TENM3: variants seen among roughly 807,000 people sequenced by gnomAD.
TENM3 encodes teneurin-3.
A neutral mutation model predicts 255.1 loss-of-function variants in TENM3; 63 were observed. That is an observed-to-expected ratio of 0.25 (90% CI 0.20 to 0.30). TENM3 has a LOEUF of 0.30. TENM3 is among the 10% of genes least tolerant of loss of function. The probability of loss-of-function intolerance (pLI) is 1.00; values close to 1 mark genes in which losing one functional copy is unlikely to be tolerated. For synonymous variants in TENM3, 1,306 were observed against 1,322.3 expected (o/e 0.99, Z 0.27); for missense variants, 2,929 against 3,461.1 (o/e 0.85, Z 3.86).
chr4:181,560,752 C>G, the TENM3 span, among the ~76,000 whole-genome samples: 1 of 152,146 alleles, frequency 6.6e-6, no homozygotes, highest in Non-Finnish European at 1.5e-5. Flanking sequence ...GAGTGAAGTT[C>G]CCCCAGCCAG....
chr4:182,352,343 T>C (rs1366072115), intron 3 of TENM3, among the ~76,000 whole-genome samples: 1 of 152,176 alleles, frequency 6.6e-6, no homozygotes, highest in Non-Finnish European at 1.5e-5. Flanking sequence ...GGTTGTAGAC[T>C]TCAAAGATTT....
chr4:182,086,099 T>C, the TENM3 span, among the ~76,000 whole-genome samples: 1 of 152,088 alleles, frequency 6.6e-6, no homozygotes, highest in African/African-American at 2.4e-5. Context: ...GTTTTGTTGG[T>C]TTTGGGGGGA....
At chr4:181,553,453 T>C in the TENM3 span, among the ~76,000 whole-genome samples, 1 of 152,050 alleles carries the variant, frequency 6.6e-6, no homozygotes, top group East Asian at 1.9e-4. Flanking sequence ...ATTTATTTAT[T>C]TATTTTGAGG....
chr4:181,735,833 GTC>G, the TENM3 span, among the ~76,000 whole-genome samples: 3 of 151,936 alleles, frequency 2.0e-5, no homozygotes, highest in African/African-American at 7.3e-5. Context: ...AAATAAAAAT[GTC>G]TCTGATAACA....
intron 1 of TENM3, among the ~76,000 whole-genome samples, chr4:182,299,129 G>T (rs978387057): frequency 4.0e-5 from 6 of 150,982 alleles, no homozygotes; most frequent in Non-Finnish European, 8.8e-5. Context: ...AGAATAATGG[G>T]GCATTAAAAA....
At chr4:182,387,495 A>G (rs1357473795) in intron 3 of TENM3, among the ~76,000 whole-genome samples, 1 of 152,166 alleles carries the variant, frequency 6.6e-6, no homozygotes, top group Non-Finnish European at 1.5e-5. Context: ...TAAGAGAATA[A>G]AAGAAGGCTG....
chr4:182,671,888 G>GT (rs531945906), intron 6 of TENM3, among the ~76,000 whole-genome samples: 7 of 151,300 alleles, frequency 4.6e-5, no homozygotes, highest in Admixed American at 6.6e-5. Flanking sequence ...TTTGTTATCA[G>GT]TTTTTTTTTA....
At position 182,789,337 on chromosome 4, in the gene TENM3, T is replaced by G; in HGVS notation, c.5549T>G (p.Val1850Gly). 1 of 1,613,854 alleles carries G rather than the reference T, an allele frequency of 6.2e-7. No individual in the cohort carries two copies. Among genetic ancestry groups the G allele is most frequent in the Non-Finnish European group, 8.5e-7 (1 of 1,179,874 alleles). Residue 1850 changes from valine (V) to glycine (G), a missense_variant, in exon 25 of 28, where the codon GTG becomes GGG. By Grantham distance (109) the Val-to-Gly change is moderately radical. Coordinates refer to ENST00000511685, the MANE Select transcript of TENM3 (RefSeq NM_001080477.4). The surrounding 1 kb of genome is among the most constrained non-coding windows in gnomAD (Gnocchi z 4.4). ...KVDYDGQGRIVSRVFADGKTW... is the reference protein window; with the variant it reads ...KVDYDGQGRIGSRVFADGKTW... ...GATTATGACGGACAGGGGAGGATCG[T>G]GTCTCGGGTCTTTGCTGATGGTAAA...
chr4:182,360,763 TATG>T (rs1000261277), intron 3 of TENM3, among the ~76,000 whole-genome samples: 15 of 152,112 alleles, frequency 9.9e-5, no homozygotes, highest in African/African-American at 3.4e-4. Context: ...AACCTGTCAT[TATG>T]ATGTTAGCTG....
chr4:182,041,571 T>C, the TENM3 span, among the ~76,000 whole-genome samples: 1 of 152,056 alleles, frequency 6.6e-6, no homozygotes, highest in African/African-American at 2.4e-5. Context: ...ATACAGCTGA[T>C]AATTTTCAAA....
At chr4:181,922,048 A>G in the TENM3 span, among the ~76,000 whole-genome samples, 5 of 152,014 alleles carry the variant, frequency 3.3e-5, no homozygotes, top group East Asian at 7.7e-4. Flanking sequence ...ATTGATTTGC[A>G]TATATTGAAC....
chr4:182,315,227 T>G (rs1762685005), intron 1 of TENM3, among the ~76,000 whole-genome samples: 1 of 152,232 alleles, frequency 6.6e-6, no homozygotes, highest in South Asian at 2.1e-4. Context: ...TTTCAAGTGC[T>G]GTTTATTCCT....
At chr4:182,679,382 C>G (rs1044698801) in intron 7 of TENM3, among the ~76,000 whole-genome samples, 3 of 152,154 alleles carry the variant, frequency 2.0e-5, no homozygotes, top group Non-Finnish European at 4.4e-5. Context: ...CTAAACTCAT[C>G]AAACTTTTGA....
At chr4:181,697,557 C>A in the TENM3 span, among the ~76,000 whole-genome samples, 1 of 152,024 alleles carries the variant, frequency 6.6e-6, no homozygotes, top group Non-Finnish European at 1.5e-5. Context: ...CCACACCCGG[C>A]TAATTTTTGT....
chr4:182,278,153 G>A (rs1418232717), intron 1 of TENM3, among the ~76,000 whole-genome samples: 1 of 152,180 alleles, frequency 6.6e-6, no homozygotes, highest in Non-Finnish European at 1.5e-5. Context: ...GAGCACCTGA[G>A]GTCAGGAGTT....
At chr4:181,545,072 C>A in the TENM3 span, among the ~76,000 whole-genome samples, 1 of 152,242 alleles carries the variant, frequency 6.6e-6, no homozygotes, top group Non-Finnish European at 1.5e-5. Flanking sequence ...CTTAGGTGAA[C>A]TTCAAGTACA....
the TENM3 span, among the ~76,000 whole-genome samples, chr4:181,683,622 G>A: frequency 2.0e-5 from 3 of 152,112 alleles, no homozygotes; most frequent in Non-Finnish European, 4.4e-5. Context: ...CAGATGAAGC[G>A]ACTTCATCGA....
the TENM3 span, among the ~76,000 whole-genome samples, chr4:181,506,270 G>T: frequency 6.6e-6 from 1 of 151,888 alleles, no homozygotes; most frequent in Admixed American, 6.6e-5. Flanking sequence ...ACACTATTTT[G>T]ATTTCTCACA....
At chr4:182,231,635 C>T (rs1756587487) in intron 1 of TENM3, among the ~76,000 whole-genome samples, 1 of 152,216 alleles carries the variant, frequency 6.6e-6, no homozygotes, top group South Asian at 2.1e-4. Context: ...GCCTCTCGCC[C>T]CATGAGGTCC....
Sources: gnomAD v4.1 joint callset for allele counts (sites outside exome capture counted in the v4.1 genomes callset) on GRCh38, gnomAD v4.1.1 for gene constraint, Gnocchi (gnomAD v3.1) non-coding constraint, MANE v1.5 for transcripts, NCBI Gene and HGNC (gene_info 2026-07-23, HGNC 2026-07-21) for gene names.